The following NAALADL2 variants were observed in gnomAD, a reference collection of about 807,000 sequenced individuals.
NAALADL2 encodes inactive N-acetylated-alpha-linked acidic dipeptidase-like protein 2.
NAALADL2 carries 76 observed loss-of-function variants against 87.2 expected under a neutral mutation model. The observed-to-expected ratio is 0.87, with a 90% CI of 0.72 to 1.05. The LOEUF is 1.05. NAALADL2 is among the 50% of genes least tolerant of loss of function. NAALADL2 has a pLI of 0.00. For missense variants in NAALADL2, 1,089 were observed against 945.8 expected (o/e 1.15, Z -1.99); for synonymous variants, 354 against 331.0 (o/e 1.07, Z -0.75).
At chr3:174,615,839 A>C (rs1720410140) in intron 2 of NAALADL2, among the ~76,000 whole-genome samples, 1 of 152,096 alleles carries the variant, frequency 6.6e-6, no homozygotes, top group African/African-American at 2.4e-5. Flanking sequence ...AAGTTTACTT[A>C]GTAACTAAGT....
chr3:174,925,640 A>T (rs1482014082), intron 1 of NAALADL2, among the ~76,000 whole-genome samples: 2 of 152,198 alleles, frequency 1.3e-5, no homozygotes, highest in East Asian at 3.9e-4. Flanking sequence ...GGATGGCAGC[A>T]TTGAATCTAT....
At chr3:175,376,362 G>C (rs1581643015) in intron 5 of NAALADL2, among the ~76,000 whole-genome samples, 2 of 151,740 alleles carry the variant, frequency 1.3e-5, no homozygotes, top group Non-Finnish European at 2.9e-5. Flanking sequence ...CATTTTAAAG[G>C]ATATTTACTT....
chr3:174,778,471 GTTATTTAT>G (rs928284262), intron 3 of NAALADL2, among the ~76,000 whole-genome samples: 1 of 151,820 alleles, frequency 6.6e-6, no homozygotes, highest in Non-Finnish European at 1.5e-5. Context: ...GGGTTAGGAT[GTTATTTAT>G]TTATTTATTT....
chr3:174,783,626 T>C (rs1249360626), intron 3 of NAALADL2, among the ~76,000 whole-genome samples: 1 of 152,086 alleles, frequency 6.6e-6, no homozygotes, highest in Non-Finnish European at 1.5e-5. Context: ...AATATATATA[T>C]ATTTTTATTT....
intron 1 of NAALADL2, among the ~76,000 whole-genome samples, chr3:174,891,408 T>C (rs1295988562): frequency 1.3e-5 from 2 of 151,820 alleles, no homozygotes; most frequent in African/African-American, 4.8e-5. Flanking sequence ...GAACTGAAGA[T>C]ATAGAAAAAA....
At chr3:174,561,763 G>A (rs965175866) in intron 2 of NAALADL2, among the ~76,000 whole-genome samples, 3 of 152,096 alleles carry the variant, frequency 2.0e-5, no homozygotes, top group African/African-American at 7.2e-5. Context: ...TGGTCACACT[G>A]GTAGAAAATG....
In NAALADL2 at chr3:174,723,926, GTA is replaced by G. The variant is rs563477157; in HGVS notation, c.-114-13714_-114-13713del. ...CGCTATTAGTACGTATGGTCATTGT[GTA>G]AATATGCAATCCCTTGATGACGTCT... is the stretch of plus-strand genomic sequence containing the variant. On this transcript the variant is annotated intron_variant, in intron 2 of 3. Transcript: ENST00000434257. Among the ~76,000 whole-genome samples, 1,128 of 152,194 alleles carry G rather than the reference GTA, an allele frequency of 7.4e-3. 6 individuals are homozygous for G. Among genetic ancestry groups the G allele is most frequent in the Non-Finnish European group, 0.012 (840 of 68,004 alleles).
chr3:175,526,737 C>T (rs1297720906), intron 9 of NAALADL2, among the ~76,000 whole-genome samples: 1 of 151,972 alleles, frequency 6.6e-6, no homozygotes, highest in Non-Finnish European at 1.5e-5. Flanking sequence ...AACAAAAGCC[C>T]ACTATTGTTC....
At chr3:174,615,115 G>A (rs1720328593) in intron 2 of NAALADL2, among the ~76,000 whole-genome samples, 1 of 152,140 alleles carries the variant, frequency 6.6e-6, no homozygotes, top group Non-Finnish European at 1.5e-5. Flanking sequence ...CTTTATTATT[G>A]TGGTAAGAAG....
At chr3:175,020,461 C>T (rs1487355839) in intron 1 of NAALADL2, among the ~76,000 whole-genome samples, 1 of 152,006 alleles carries the variant, frequency 6.6e-6, no homozygotes, top group African/African-American at 2.4e-5. Context: ...TTATTATCTC[C>T]TAATTGTAAA....
intron 2 of NAALADL2, among the ~76,000 whole-genome samples, chr3:175,148,586 A>C (rs1012466775): frequency 1.3e-5 from 2 of 152,024 alleles, no homozygotes; most frequent in Non-Finnish European, 2.9e-5. Context: ...TTTACATTTA[A>C]TCTCTAATTC....
chr3:175,529,655 A>T (rs1036634374), intron 9 of NAALADL2, among the ~76,000 whole-genome samples: 3 of 152,158 alleles, frequency 2.0e-5, no homozygotes, highest in Admixed American at 6.5e-5. Flanking sequence ...CTTCAGGATG[A>T]TGGTGAACAT....
rs571698632 is a variant in NAALADL2 at position 174,654,393 on chromosome 3, A to C, written c.-114-83248A>C. 6.6e-5 allele frequency among the ~76,000 whole-genome samples: 10 copies of C among 152,290 alleles called. No homozygotes were observed. In the South Asian group the frequency reaches 2.1e-3, roughly 32 times the overall value. ...ATAATAATGAAATCAATGATTCTTA[A>C]ATTAAGACTCTTGTTGTCTGGTAGC... On this transcript the variant is annotated intron_variant, in intron 2 of 3. Transcript: ENST00000434257.
At chr3:174,505,596 T>C (rs1209915130) in intron 1 of NAALADL2, among the ~76,000 whole-genome samples, 2 of 152,186 alleles carry the variant, frequency 1.3e-5, no homozygotes, top group Non-Finnish European at 1.5e-5. Flanking sequence ...AAAGTCATCA[T>C]AACATAAAGC....
chr3:175,112,382 T>G (rs1162564048), intron 2 of NAALADL2, among the ~76,000 whole-genome samples: 2 of 151,718 alleles, frequency 1.3e-5, no homozygotes, highest in African/African-American at 2.4e-5. Context: ...TCTAAAAATT[T>G]TGATGACAAC....
chr3:175,164,819 A>G (rs1232874817), intron 2 of NAALADL2, among the ~76,000 whole-genome samples: 1 of 152,158 alleles, frequency 6.6e-6, no homozygotes, highest in Non-Finnish European at 1.5e-5. Context: ...AGCATTCTCT[A>G]ATCTGTATTC....
At chr3:174,600,581 G>A (rs1718347355) in intron 2 of NAALADL2, among the ~76,000 whole-genome samples, 1 of 152,034 alleles carries the variant, frequency 6.6e-6, no homozygotes, top group East Asian at 1.9e-4. Context: ...AAGTGCATTA[G>A]TCTGTTCTTG....
intron 1 of NAALADL2, among the ~76,000 whole-genome samples, chr3:174,930,722 C>T (rs1736761708): frequency 6.8e-6 from 1 of 147,324 alleles, no homozygotes; most frequent in Admixed American, 7.1e-5. Flanking sequence ...CCCAGGTTCT[C>T]ACCATTCTCC....
At chr3:175,782,950 T>G (rs1267883872) in intron 13 of NAALADL2, among the ~76,000 whole-genome samples, 1 of 147,640 alleles carries the variant, frequency 6.8e-6, no homozygotes, top group Non-Finnish European at 1.5e-5. Context: ...CAGCACCATT[T>G]ATTAAATAGG....
Sources: allele counts gnomAD v4.1 joint callset (sites outside exome capture counted in the v4.1 genomes callset), GRCh38; gene constraint gnomAD v4.1.1; transcripts MANE v1.5; gene names NCBI Gene and HGNC (gene_info 2026-07-23, HGNC 2026-07-21).